ZNF521: variants seen among roughly 807,000 people sequenced by gnomAD.
ZNF521 encodes the protein zinc finger protein 521.
A neutral mutation model predicts 105.5 loss-of-function variants in ZNF521; 14 were observed. The observed-to-expected ratio is 0.13, with a 90% CI of 0.09 to 0.21. The LOEUF is 0.21. ZNF521 is among the 10% of genes least tolerant of loss of function. The pLI is 1.00. For missense variants in ZNF521, 1,233 were observed against 1,629.7 expected, an observed-to-expected ratio of 0.76 and a Z score of 4.19; for synonymous variants, 635 against 606.0, an observed-to-expected ratio of 1.05 and a Z score of -0.70.
intron 5 of ZNF521, among the ~76,000 whole-genome samples, chr18:25,179,417 T>A (rs181472996): frequency 6.6e-6 from 1 of 152,014 alleles, no homozygotes; most frequent in Non-Finnish European, 1.5e-5. Context: ...AGGTTTGAGA[T>A]GGCACTCACA....
chr18:25,095,035 G>A (rs2033823983), intron 5 of ZNF521, among the ~76,000 whole-genome samples: 1 of 151,910 alleles, frequency 6.6e-6, no homozygotes, highest in Non-Finnish European at 1.5e-5. Flanking sequence ...CCTTTGTATG[G>A]CTGAGAGCCA....
chr18:25,107,795 C>A (rs1656009652), intron 5 of ZNF521, among the ~76,000 whole-genome samples: 1 of 152,240 alleles, frequency 6.6e-6, no homozygotes, highest in Admixed American at 6.5e-5. Flanking sequence ...TCTCCTTATA[C>A]TTAACCTTGT....
intron 2 of ZNF521, among the ~76,000 whole-genome samples, chr18:25,329,587 T>C (rs941099048): frequency 1.3e-5 from 2 of 152,126 alleles, no homozygotes; most frequent in Admixed American, 1.3e-4. Flanking sequence ...AGTACCTGTG[T>C]TGCTATTCAA....
At chr18:25,074,062 G>GTGCGTGTGTGCA (rs372237076) in intron 7 of ZNF521, among the ~76,000 whole-genome samples, 31 of 151,820 alleles carry the variant, frequency 2.0e-4, no homozygotes, top group African/African-American at 4.6e-4. Context: ...ACATGTGTGC[G>GTGCGTGTGTGCA]CACGCGTGTG....
At chr18:25,128,831 T>C (rs2034585256) in intron 5 of ZNF521, among the ~76,000 whole-genome samples, 1 of 152,056 alleles carries the variant, frequency 6.6e-6, no homozygotes, top group Admixed American at 6.6e-5. Context: ...ACATATTTCA[T>C]GTTAATGGAA....
intron 3 of ZNF521, among the ~76,000 whole-genome samples, chr18:25,266,006 A>T (rs1262428458): frequency 6.6e-6 from 1 of 152,216 alleles, no homozygotes; most frequent in Non-Finnish European, 1.5e-5. Context: ...ACTCATGAAT[A>T]CAGTGAGTAG....
rs149341852 is a variant in ZNF521, at chr18:25,308,049, A to C, written c.220+13959T>G. On this transcript the variant is annotated intron_variant, in intron 3 of 7. Coordinates refer to ENST00000361524, the MANE Select transcript of ZNF521 (RefSeq NM_015461.3). ...AAACCCCATCTCTACTAAAAATATA[A>C]AAATTAGCTGGGCGTGATGGTGCAT... 5.2e-3 allele frequency among the ~76,000 whole-genome samples: 791 copies of C among 152,162 alleles called. 5 individuals carry two copies. Among genetic ancestry groups the C allele is most frequent in the African/African-American group, 0.018 (755 of 41,516 alleles).
intron 3 of ZNF521, among the ~76,000 whole-genome samples, chr18:25,264,928 G>A (rs964392479): frequency 1.3e-5 from 2 of 152,080 alleles, no homozygotes; most frequent in South Asian, 2.1e-4. Flanking sequence ...GCAGGAAGGA[G>A]AAAAGGAAGG....
chr18:25,349,851 C>T (rs1466551308), intron 2 of ZNF521, among the ~76,000 whole-genome samples: 2 of 150,418 alleles, frequency 1.3e-5, no homozygotes, highest in Non-Finnish European at 3.0e-5. Context: ...CCGCGGCCGC[C>T]TCCAGCGCTG....
At chr18:25,272,336 T>C (rs1197543170) in intron 3 of ZNF521, among the ~76,000 whole-genome samples, 2 of 152,154 alleles carry the variant, frequency 1.3e-5, no homozygotes, top group Non-Finnish European at 1.5e-5. Flanking sequence ...AGTTCAACCA[T>C]TGTGGAAGAC....
At chr18:25,276,155 A>C (rs775741719) in intron 3 of ZNF521, among the ~76,000 whole-genome samples, 1 of 152,080 alleles carries the variant, frequency 6.6e-6, no homozygotes, top group Non-Finnish European at 1.5e-5. Context: ...TATCAGACCA[A>C]AAATATGCAT....
At chr18:25,301,442 G>A (rs1355441997) in intron 3 of ZNF521, among the ~76,000 whole-genome samples, 1 of 152,084 alleles carries the variant, frequency 6.6e-6, no homozygotes, top group Non-Finnish European at 1.5e-5. Context: ...AAAAACTAAA[G>A]TTTTTTAAAA....
At chr18:25,136,221 T>G (rs1403660888) in intron 5 of ZNF521, among the ~76,000 whole-genome samples, 1 of 152,222 alleles carries the variant, frequency 6.6e-6, no homozygotes, top group Non-Finnish European at 1.5e-5. Flanking sequence ...TGCATAGTGA[T>G]TTGTTGATAT....
intron 5 of ZNF521, among the ~76,000 whole-genome samples, chr18:25,181,340 C>T (rs1212273662): frequency 6.6e-6 from 1 of 152,158 alleles, no homozygotes; most frequent in African/African-American, 2.4e-5. Flanking sequence ...CCTGATAGAA[C>T]TCAGTATTAG....
At chr18:25,067,842 T>C (rs540756535) in intron 7 of ZNF521, among the ~76,000 whole-genome samples, 1 of 152,312 alleles carries the variant, frequency 6.6e-6, no homozygotes, top group Admixed American at 6.5e-5. Context: ...TTTGTAACAC[T>C]CTGTTGGCAT....
At chr18:25,263,802 T>C (rs1937714783) in intron 3 of ZNF521, among the ~76,000 whole-genome samples, 2 of 152,148 alleles carry the variant, frequency 1.3e-5, no homozygotes, top group African/African-American at 2.4e-5. Context: ...GGTCTCGAAC[T>C]CCTGAGCTCA....
chr18:25,203,104 G>A (rs2036019921), intron 4 of ZNF521, among the ~76,000 whole-genome samples: 1 of 152,100 alleles, frequency 6.6e-6, no homozygotes, highest in South Asian at 2.1e-4. Context: ...TGTGATTGGG[G>A]AAATAAAACA....
At chr18:25,063,354 C>A (rs1290616745) in intron 7 of ZNF521, among the ~76,000 whole-genome samples, 1 of 152,020 alleles carries the variant, frequency 6.6e-6, no homozygotes, top group African/African-American at 2.4e-5. Context: ...GGGCTTTGGG[C>A]TGTGGTCATA....
intron 5 of ZNF521, among the ~76,000 whole-genome samples, chr18:25,131,464 T>G (rs1276234637): frequency 6.6e-6 from 1 of 152,182 alleles, no homozygotes; most frequent in African/African-American, 2.4e-5. Flanking sequence ...CCTAACGAAG[T>G]GTCCCCTAAG....
Sources: allele counts gnomAD v4.1 joint callset (sites outside exome capture counted in the v4.1 genomes callset), GRCh38; gene constraint gnomAD v4.1.1; transcripts MANE v1.5; gene names NCBI Gene and HGNC (gene_info 2026-07-23, HGNC 2026-07-21).